Variants in CTNNA2 observed in about 807,000 individuals in gnomAD.
The protein encoded by CTNNA2 is catenin alpha 2.
In CTNNA2, 42 loss-of-function variants were observed where a neutral mutation model predicts 101.0. That is an observed-to-expected ratio of 0.42 (90% confidence interval 0.32 to 0.54). CTNNA2 has a LOEUF of 0.54. Ranked by LOEUF, CTNNA2 falls within the 20% of genes least tolerant of loss-of-function variation. CTNNA2 has a pLI of 0.14. For missense variants in CTNNA2, 871 were observed against 1,223.1 expected, an observed-to-expected ratio of 0.71 and a Z score of 4.29; for synonymous variants, 450 against 456.4, an observed-to-expected ratio of 0.99 and a Z score of 0.18.
At chr2:79,863,228 G>A (rs1681764852) in intron 4 of CTNNA2, among the ~76,000 whole-genome samples, 1 of 140,788 alleles carries the variant, frequency 7.1e-6, no homozygotes, top group African/African-American at 2.7e-5. Context: ...TTATTTAGAT[G>A]GATAACAGAA....
chr2:80,553,046 G>A (rs879727482), intron 11 of CTNNA2, among the ~76,000 whole-genome samples: 1 of 142,804 alleles, frequency 7.0e-6, no homozygotes, highest in Non-Finnish European at 1.5e-5. Flanking sequence ...GTGAAACCCT[G>A]TCTTTACTAA....
chr2:79,471,962 A>G (rs1406361146), intron 4 of CTNNA2, among the ~76,000 whole-genome samples: 1 of 152,186 alleles, frequency 6.6e-6, no homozygotes, highest in Non-Finnish European at 1.5e-5. Context: ...ATTCCAGTCC[A>G]ACATCCCCAA....
intron 16 of CTNNA2, among the ~76,000 whole-genome samples, chr2:80,605,964 T>C (rs893102578): frequency 5.9e-5 from 9 of 151,872 alleles, no homozygotes; most frequent in African/African-American, 2.2e-4. Context: ...AGGGTTTTTT[T>C]TGACAGACTT....
At chr2:79,293,452 C>G (rs537348280) in intron 2 of CTNNA2, among the ~76,000 whole-genome samples, 2 of 152,076 alleles carry the variant, frequency 1.3e-5, no homozygotes, top group African/African-American at 4.8e-5. Flanking sequence ...CAGTCCCTCT[C>G]CCCTAGAAGC....
chr2:80,193,216 G>A (rs1305155758), intron 7 of CTNNA2, among the ~76,000 whole-genome samples: 1 of 152,142 alleles, frequency 6.6e-6, no homozygotes, highest in Non-Finnish European at 1.5e-5. Flanking sequence ...CAACCAATGA[G>A]AAATATTAGT....
intron 9 of CTNNA2, among the ~76,000 whole-genome samples, chr2:80,492,149 C>G (rs1033108761): frequency 6.6e-6 from 1 of 152,062 alleles, no homozygotes; most frequent in African/African-American, 2.4e-5. Flanking sequence ...TGGATTTCAC[C>G]CTTGCTGTTC....
chr2:80,159,781 T>A (rs1336388268), intron 7 of CTNNA2, among the ~76,000 whole-genome samples: 1 of 152,154 alleles, frequency 6.6e-6, no homozygotes, highest in Non-Finnish European at 1.5e-5. Context: ...GCCCGTAACT[T>A]CTTTTTTAAT....
intron 13 of CTNNA2, among the ~76,000 whole-genome samples, chr2:80,574,741 A>G (rs1006647621): frequency 1.3e-5 from 2 of 152,216 alleles, no homozygotes; most frequent in South Asian, 4.1e-4. Context: ...AGTGATACAT[A>G]ATTACATTCT....
At chr2:80,088,193 C>T (rs1279409097) in intron 7 of CTNNA2, among the ~76,000 whole-genome samples, 2 of 151,996 alleles carry the variant, frequency 1.3e-5, no homozygotes, top group Non-Finnish European at 2.9e-5. Flanking sequence ...CCTGGTTAAG[C>T]TAGAGTTGAT....
rs533784125 is a variant in CTNNA2 at position 80,049,735 on chromosome 2, C to T, written c.1056+139938C>T. ...GCTGAGGGCACTTCTGTATTCATGG[C>T]CCCCCAGGACTCCTGAAGCTGTACT... is the stretch of plus-strand genomic sequence containing the variant. On this transcript the variant is annotated intron_variant, in intron 7 of 18. Transcript: ENST00000402739. Among the ~76,000 whole-genome samples, 12 of 152,250 alleles carry T rather than the reference C, an allele frequency of 7.9e-5. No individual in the cohort carries two copies. The South Asian group carries it at 2.3e-3, about 29-fold the overall frequency.
intron 7 of CTNNA2, chr2:80,313,280 AGAATCTT>A (rs1424805437): frequency 2.5e-6 from 2 of 794,210 alleles, no homozygotes; most frequent in African/African-American, 1.8e-5. Context: ...ATCTCTGACA[AGAATCTT>A]GAAAATGCCT....
intron 3 of CTNNA2, among the ~76,000 whole-genome samples, chr2:79,775,036 G>A (rs554370763): frequency 2.0e-5 from 3 of 152,210 alleles, no homozygotes; most frequent in Non-Finnish European, 4.4e-5. Flanking sequence ...TTATCTAGTT[G>A]GAACATTGCT....
At chr2:79,344,783 G>A (rs1677216922) in intron 3 of CTNNA2, among the ~76,000 whole-genome samples, 1 of 146,830 alleles carries the variant, frequency 6.8e-6, no homozygotes, top group Non-Finnish European at 1.5e-5. Context: ...CAACTTTTCT[G>A]AGAATCAATT....
chr2:79,195,965 C>T (rs1183762130), intron 1 of CTNNA2: 2 of 417,206 alleles, frequency 4.8e-6, no homozygotes, highest in East Asian at 1.4e-4. Context: ...GAGATGGAGT[C>T]TCGATCTGTC....
chr2:80,588,634 T>TTTTATCC (rs1696175623), intron 14 of CTNNA2, among the ~76,000 whole-genome samples: 1 of 152,184 alleles, frequency 6.6e-6, no homozygotes, highest in Non-Finnish European at 1.5e-5. Context: ...TGCTTCCTAA[T>TTTTATCC]TTTATCCTTT....
intron 3 of CTNNA2, among the ~76,000 whole-genome samples, chr2:79,840,804 G>T (rs1273978320): frequency 6.9e-6 from 1 of 145,832 alleles, no homozygotes; most frequent in African/African-American, 2.6e-5. Context: ...TCGCTCTTTC[G>T]CCCAGGCCGG....
At chr2:80,056,603 C>T (rs1280922335) in intron 7 of CTNNA2, among the ~76,000 whole-genome samples, 1 of 152,188 alleles carries the variant, frequency 6.6e-6, no homozygotes, top group East Asian at 1.9e-4. Flanking sequence ...TATATACTGT[C>T]CTCATTCCTT....
intron 9 of CTNNA2, among the ~76,000 whole-genome samples, chr2:80,444,162 A>G (rs929237702): frequency 1.3e-5 from 2 of 152,230 alleles, no homozygotes; most frequent in African/African-American, 4.8e-5. Context: ...GTTCAGCTCT[A>G]AATTTTTGGA....
chr2:79,221,898 A>C (rs1674349973), intron 2 of CTNNA2, among the ~76,000 whole-genome samples: 1 of 152,182 alleles, frequency 6.6e-6, no homozygotes, highest in African/African-American at 2.4e-5. Context: ...TGGTCATGGA[A>C]GATAACGGCT....
Sources: allele counts gnomAD v4.1 joint callset (sites outside exome capture counted in the v4.1 genomes callset), GRCh38; gene constraint gnomAD v4.1.1; transcripts MANE v1.5; gene names NCBI Gene and HGNC (gene_info 2026-07-23, HGNC 2026-07-21).